The following VWF variants were observed in gnomAD, a reference collection of about 807,000 sequenced individuals.
VWF encodes Factor VIII related antigen.
Under a neutral mutation model 308.6 loss-of-function variants are expected in VWF, and 176 were observed. The observed-to-expected ratio is 0.57, with a 90% CI of 0.50 to 0.65. The LOEUF (loss-of-function observed/expected upper bound fraction) is 0.65, where lower values mean the gene tolerates loss of function less well. VWF is among the 30% of genes least tolerant of loss of function. The pLI is 0.00. For missense variants in VWF, 3,146 were observed against 3,648.2 expected (o/e 0.86, Z 3.55); for synonymous variants, 1,385 against 1,443.4 (o/e 0.96, Z 0.92).
chr12:6,049,352 T>C (rs1944482274), intron 16 of VWF, among the ~76,000 whole-genome samples: 1 of 152,168 alleles, frequency 6.6e-6, no homozygotes, highest in Non-Finnish European at 1.5e-5. Flanking sequence ...GAGAGGTCGC[T>C]GATGTCAAAC....
At chr12:6,073,585 C>G in intron 8 of VWF, 34 bp downstream of exon 8, 3 of 1,613,570 alleles carry the variant, frequency 1.9e-6, no homozygotes, top group Non-Finnish European at 2.5e-6. Flanking sequence ...CTGGCAAGGT[C>G]TCTGATCTGT....
chr12:6,049,294 G>C (rs1944481584), intron 16 of VWF, among the ~76,000 whole-genome samples: 1 of 152,194 alleles, frequency 6.6e-6, no homozygotes, highest in South Asian at 2.1e-4. Context: ...CTGCTGAATA[G>C]CTTTCAGCCC....
chr12:6,034,569 G>A, intron 20 of VWF, 119 bp downstream of exon 20: 3 of 1,508,972 alleles, frequency 2.0e-6, no homozygotes, highest in Non-Finnish European at 2.7e-6. Context: ...AAGTACTCCA[G>A]TAGAAACCAG....
At chr12:6,120,405 C>G (rs113566801) in intron 3 of VWF, among the ~76,000 whole-genome samples, 11 of 151,764 alleles carry the variant, frequency 7.2e-5, no homozygotes, top group Admixed American at 1.3e-4. Flanking sequence ...CAGGTTCAAG[C>G]GATTCTCCTG....
chr12:6,064,877 G>T (rs1201123009), intron 11 of VWF, among the ~76,000 whole-genome samples: 2 of 152,202 alleles, frequency 1.3e-5, no homozygotes, highest in Admixed American at 1.3e-4. Context: ...GACCCAAGCA[G>T]GATGCGTCCA....
At chr12:6,040,783 G>A (rs147867893) in intron 18 of VWF, among the ~76,000 whole-genome samples, 1 of 152,224 alleles carries the variant, frequency 6.6e-6, no homozygotes, top group Non-Finnish European at 1.5e-5. Flanking sequence ...CCTGCAGCTT[G>A]TGGGGTCAAC....
In VWF at chr12:6,024,551, T is replaced by C. The variant is rs1009410195; in HGVS notation, c.3223-764A>G. On this transcript the variant is annotated intron_variant, in intron 24 of 51. Transcript: ENST00000261405. This position sits in a 1 kb window ranked among gnomAD's most constrained non-coding sequence, Gnocchi z 4.0. Reference sequence around the variant, plus strand: ...TCCTCAGAGACCGAAAATCACTGCATAGATAGAAAGAGAATTGAGATCCAT... The same window carrying C: ...TCCTCAGAGACCGAAAATCACTGCACAGATAGAAAGAGAATTGAGATCCAT... Among the ~76,000 whole-genome samples, 5 of 152,184 alleles carry C rather than the reference T, an allele frequency of 3.3e-5. No homozygotes were observed. The highest frequency in any genetic ancestry group is 1.9e-4 in the East Asian group (1 of 5,194).
intron 6 of VWF, among the ~76,000 whole-genome samples, chr12:6,079,591 C>CA (rs1336304000): frequency 6.7e-6 from 1 of 148,366 alleles, no homozygotes; most frequent in Non-Finnish European, 1.5e-5. Context: ...GCCTGGGCGA[C>CA]AGAGTGAGAC....
intron 10 of VWF, among the ~76,000 whole-genome samples, chr12:6,067,330 C>T (rs77184302): frequency 0.01 from 1,551 of 152,306 alleles, 35 homozygotes; most frequent in African/African-American, 0.036. Context: ...TTCCCCCTGC[C>T]TTTCTGTGTT....
rs76137698 is a variant in VWF at position 5,996,726 on chromosome 12, G to A, written c.5843-504C>T. Reference sequence around the variant, plus strand: ...TGTTGACTTAATCCCTTAAGAGATCGCACAGGAGAAATATTTCCAGAGCCA... The same window carrying A: ...TGTTGACTTAATCCCTTAAGAGATCACACAGGAGAAATATTTCCAGAGCCA... On this transcript the variant is annotated intron_variant, in intron 34 of 51. Coordinates refer to ENST00000261405, the MANE Select transcript of VWF (RefSeq NM_000552.5). 2.6e-3 allele frequency among the ~76,000 whole-genome samples: 356 copies of A among 135,596 alleles called. 1 individual carries two copies. Among genetic ancestry groups the A allele is most frequent in the African/African-American group, 8.9e-3 (315 of 35,428 alleles). The allele number at this position is 135,596 out of a possible 152,430, so 89.0% of individuals were successfully genotyped here. A position where few individuals can be genotyped will look rare whatever the true frequency, so the allele number is the denominator to read the frequency against.
intron 11 of VWF, 35 bp from the exon 12 acceptor site, chr12:6,064,419 C>A (rs761469036): frequency 1.5e-5 from 24 of 1,612,568 alleles, no homozygotes; most frequent in Non-Finnish European, 1.7e-6. Context: ...CTTTGCTGCA[C>A]CCCCTGCCTA....
At position 6,062,969 on chromosome 12, in the gene VWF, C is replaced by G; in HGVS notation, c.1518G>C (p.Gly506=). 1 of 1,612,932 alleles carries G rather than the reference C, an allele frequency of 6.2e-7. No homozygotes were observed. Residue 506 remains glycine (G), a synonymous_variant, in exon 13 of 52, where the codon GGG becomes GGC. Coordinates refer to ENST00000261405, the MANE Select transcript of VWF (RefSeq NM_000552.5). ...GGGCACCTACCTTCACCAGCAGCCTCCCGCGGCCATCCCAGTCCATCTGCA... is the reference window on the plus strand; with the variant it reads ...GGGCACCTACCTTCACCAGCAGCCTGCCGCGGCCATCCCAGTCCATCTGCA... ...EDLQMDWDGR[G]RLLVKLSPVY...
intron 20 of VWF, 80 bp downstream of exon 20, chr12:6,034,608 C>A (rs988673316): frequency 1.0e-5 from 16 of 1,606,022 alleles, no homozygotes; most frequent in Non-Finnish European, 1.7e-6. Flanking sequence ...CAGACAGATC[C>A]ACAGAACCCA....
At chr12:6,031,725 T>C in intron 20 of VWF, 147 bp from the exon 21 acceptor site, 1 of 1,308,378 alleles carries the variant, frequency 7.6e-7, no homozygotes, top group Non-Finnish European at 1.1e-6. Flanking sequence ...CCTCTGTGTG[T>C]GTCTGGGGGA....
intron 18 of VWF, among the ~76,000 whole-genome samples, chr12:6,044,023 T>C (rs1475720962): frequency 1.3e-5 from 2 of 152,212 alleles, no homozygotes; most frequent in Non-Finnish European, 2.9e-5. Context: ...TTGCTTCCTA[T>C]GGCACTCCTG....
chr12:5,994,155 G>A lies in VWF; in HGVS notation c.6305C>T (p.Thr2102Ile), dbSNP rs907144231. The A allele has an allele frequency of 1.1e-5, 17 of 1,614,080 alleles. No individual in the cohort carries two copies. Among genetic ancestry groups the A allele is most frequent in the African/African-American group, 2.7e-5 (2 of 74,908 alleles). Reference protein sequence around the residue: ...GANDFMLRDGTVTTDWKTLVQ... With the variant: ...GANDFMLRDGIVTTDWKTLVQ... ...AAGTGTTTTCCAGTCTGTGGTGACT[G>A]TGCCATCCCTCAGCATGAAGTCATT... is the stretch of plus-strand genomic sequence containing the variant. The change falls in exon 37 of 52, where the codon ACA becomes ATA. Residue 2102 changes from threonine to isoleucine, a missense_variant. This residue lies in a region of VWF where 989 missense variants were observed against 1,117.4 expected (regional missense o/e 0.89). Coordinates refer to ENST00000261405, the MANE Select transcript of VWF (RefSeq NM_000552.5).
chr12:6,051,192 T>C (rs984354211), intron 16 of VWF, among the ~76,000 whole-genome samples: 4 of 152,088 alleles, frequency 2.6e-5, no homozygotes, highest in East Asian at 3.8e-4. Flanking sequence ...CTGATAATCA[T>C]TGAAGCTGGG....
In VWF at chr12:6,019,017, A is replaced by T. The variant is rs1565831834; in HGVS notation, c.4401T>A (p.Pro1467=). 5 of 1,613,860 alleles carry T rather than the reference A, an allele frequency of 3.1e-6. No homozygotes were observed. The stretch of plus-strand genomic sequence containing the variant: ...CTTGTGCCATGTCGGGGGGCAGAGT[A>T]GGAGGAGGGGCTTCAGGGGCAAGGT... ...LCDLAPEAPP[P]TLPPDMAQVT... The change falls in exon 28 of 52, where the codon CCT becomes CCA. Residue 1467 remains proline, a synonymous_variant. Transcript: ENST00000261405. This position sits in a 1 kb window ranked among gnomAD's most constrained non-coding sequence, Gnocchi z 5.8.
intron 34 of VWF, among the ~76,000 whole-genome samples, chr12:5,997,344 A>C: frequency 6.6e-6 from 1 of 152,372 alleles, no homozygotes; most frequent in Non-Finnish European, 1.5e-5. Context: ...CCCAACTGCC[A>C]TAAGGATGGA....
Sources: gnomAD v4.1 joint callset for allele counts (sites outside exome capture counted in the v4.1 genomes callset) on GRCh38, gnomAD v4.1.1 for gene constraint, gnomAD v4.1.1 regional missense constraint, Gnocchi (gnomAD v3.1) non-coding constraint, MANE v1.5 for transcripts, NCBI Gene and HGNC (gene_info 2026-07-23, HGNC 2026-07-21) for gene names.